PPAN: variants seen among roughly 807,000 people sequenced by gnomAD.
PPAN encodes suppressor of SWI4 1 homolog.
Under a neutral mutation model 48.5 loss-of-function variants are expected in PPAN, and 39 were observed. That is an observed-to-expected ratio of 0.80 (90% CI 0.62 to 1.05). The LOEUF (loss-of-function observed/expected upper bound fraction) is 1.05. Ranked by LOEUF, PPAN falls within the 50% of genes least tolerant of loss-of-function variation. The probability of loss-of-function intolerance (pLI) is 0.00; values close to 1 mark genes in which losing one functional copy is unlikely to be tolerated. For missense variants in PPAN, 736 were observed against 661.7 expected (o/e 1.11, Z -1.23); for synonymous variants, 315 against 268.6 (o/e 1.17, Z -1.69).
rs1411215097 is a variant in PPAN, at chr19:10,106,562, C to G, written c.80C>G (p.Ala27Gly). 2.6e-6 allele frequency: 4 copies of G among 1,553,412 alleles called. No individual in the cohort carries two copies. The highest frequency in any genetic ancestry group is 1.8e-4 in the Middle Eastern group (1 of 5,610). Reference sequence around the variant, plus strand: ...CTCCGCAACCTCGAGGCCTATGCCGCGAACCCGCACTCGTTCGTGTTCACG... The same window carrying G: ...CTCCGCAACCTCGAGGCCTATGCCGGGAACCCGCACTCGTTCGTGTTCACG... The part of the protein sequence containing the change: ...AQLRNLEAYA[A>G]NPHSFVFTRG... Residue 27 changes from alanine to glycine, a missense_variant, in exon 2 of 12, where the codon GCG becomes GGG. Coordinates refer to ENST00000253107, the MANE Select transcript of PPAN (RefSeq NM_020230.7).
Position 10,111,602 on chromosome 19 carries a change from TCTG to T in PPAN, c.*441_*443del. On this transcript the variant is annotated 3_prime_UTR_variant, in exon 12 of 12. Transcript: ENST00000253107. ...TGGGTGGAAAGGCACGCTGGCCTGC[TCTG>T]CTGGCTGGGCCAGTAACTGGGGATG... The T allele has an allele frequency of 7.7e-7, 1 of 1,294,368 alleles. No individual in the cohort carries two copies. The highest frequency in any genetic ancestry group is 1.1e-6 in the Non-Finnish European group (1 of 899,260). 80.2% of individuals were successfully genotyped at this position (1,294,368 alleles called of 1,614,324 possible). A position where few individuals can be genotyped will look rare whatever the true frequency, so the allele number is the denominator to read the frequency against.
intron 5 of PPAN, among the ~76,000 whole-genome samples, chr19:10,108,572 G>C (rs1390010323): frequency 6.6e-6 from 1 of 151,950 alleles, no homozygotes; most frequent in East Asian, 1.9e-4. Flanking sequence ...AACATAGCGA[G>C]ACCCCATGTC....
At chr19:10,109,595 A>T in intron 5 of PPAN, 36 bp from the exon 6 acceptor site, 2 of 1,582,828 alleles carry the variant, frequency 1.3e-6, no homozygotes, top group African/African-American at 2.7e-5. Context: ...CTTTGCCATG[A>T]GTCTACTGGA....
rs764131041 is a variant in PPAN at position 10,107,546 on chromosome 19, T to C, written c.231T>C (p.Ala77=). The change falls in exon 3 of 12, where the codon GCT becomes GCC. Residue 77 remains alanine (A), a synonymous_variant. Coordinates refer to ENST00000253107, the MANE Select transcript of PPAN (RefSeq NM_020230.7). ...KNSLKDCVAV[A]GPLGVTHFLI... is the part of the protein sequence containing the mutation. ...CGCTGAAGGACTGCGTGGCAGTGGCTGGGCCCCTCGGGGTCACACACTTTC... is the reference window on the plus strand; with the variant it reads ...CGCTGAAGGACTGCGTGGCAGTGGCCGGGCCCCTCGGGGTCACACACTTTC... 11 of 1,614,202 alleles carry C rather than the reference T, an allele frequency of 6.8e-6. 1 individual carries two copies. In the South Asian group the frequency reaches 1.2e-4, roughly 18 times the overall value.
upstream of PPAN, chr19:10,106,227 C>A: frequency 8.0e-7 from 1 of 1,250,746 alleles, no homozygotes; most frequent in Non-Finnish European, 1.1e-6. Flanking sequence ...GCACCCGTGT[C>A]TCCATAGCAA....
rs371925990 is a variant in PPAN at position 10,110,093 on chromosome 19, C to A, written c.699-30C>A. On this transcript the variant is annotated intron_variant, in intron 7 of 11. Coordinates refer to ENST00000253107, the MANE Select transcript of PPAN (RefSeq NM_020230.7). This position sits in a 1 kb window ranked among gnomAD's most constrained non-coding sequence, Gnocchi z 5.9. ...AACAGGACCGGGAGCCTGAGCTCCCCCACTGAGCCCTGTTATGTCCTACAC... is the reference window on the plus strand; with the variant it reads ...AACAGGACCGGGAGCCTGAGCTCCCACACTGAGCCCTGTTATGTCCTACAC... The A allele has an allele frequency of 1.4e-5, 23 of 1,609,714 alleles. No homozygotes were observed. The highest frequency in any genetic ancestry group is 1.8e-5 in the Non-Finnish European group (21 of 1,178,204).
intron 5 of PPAN, 107 bp from the exon 6 acceptor site, chr19:10,109,524 C>T: frequency 7.7e-7 from 1 of 1,303,572 alleles, no homozygotes; most frequent in Non-Finnish European, 1.1e-6. Flanking sequence ...AGCAGCATTT[C>T]TAGCCAGTGC....
intron 2 of PPAN, 169 bp downstream of exon 2, chr19:10,106,840 A>T: frequency 1.8e-6 from 2 of 1,105,174 alleles, no homozygotes; most frequent in Middle Eastern, 3.1e-4. Context: ...GCTGGGCTGG[A>T]GTGAGGGCGC....
Position 10,110,306 on chromosome 19 carries a change from T to A in PPAN, c.823-18T>A, listed in dbSNP as rs770097072. 16 of 1,613,482 alleles carry A rather than the reference T, an allele frequency of 9.9e-6. No individual in the cohort carries two copies. The highest frequency in any genetic ancestry group is 1.3e-5 in the African/African-American group (1 of 74,914). The stretch of plus-strand genomic sequence containing the variant: ...CCAGTCCCAACGGTGGGCTGACGCT[T>A]CTTCCTCGTCCCCTCAGATCGGCCC... On this transcript the variant is annotated intron_variant, in intron 8 of 11. Coordinates refer to ENST00000253107, the MANE Select transcript of PPAN (RefSeq NM_020230.7). This position sits in a 1 kb window ranked among gnomAD's most constrained non-coding sequence, Gnocchi z 5.9.
intron 6 of PPAN, 60 bp downstream of exon 6, chr19:10,109,767 C>G: frequency 1.3e-6 from 2 of 1,593,038 alleles, no homozygotes; most frequent in Middle Eastern, 1.7e-4. Context: ...CCACATGCGG[C>G]TGATGACAGC....
intron 5 of PPAN, among the ~76,000 whole-genome samples, chr19:10,109,155 G>T (rs890929349): frequency 2.0e-5 from 3 of 152,044 alleles, no homozygotes; most frequent in Non-Finnish European, 2.9e-5. Flanking sequence ...GTAGAGACAG[G>T]ATTTCACCGT....
Position 10,110,942 on chromosome 19 carries a change from C to A in PPAN, c.1202-3C>A. 6.2e-7 allele frequency: 1 copy of A among 1,613,442 alleles called. No individual in the cohort carries two copies. The highest frequency in any genetic ancestry group is 1.3e-5 in the African/African-American group (1 of 74,978). ...GGGGCCCTGACACTGTCTCTCCCCA[C>A]AGACCTGTTCCCCGAGGCCAAGCAG... On this transcript the variant is annotated splice_region_variant and splice_polypyrimidine_tract_variant and intron_variant, in intron 11 of 11. Transcript: ENST00000253107. The surrounding 1 kb of genome is among the most constrained non-coding windows in gnomAD (Gnocchi z 5.9).
Position 10,111,576 on chromosome 19 carries a change from G to C in PPAN, c.*411G>C. ...GTTGTGGCACAATGAGGAAGGAAAC[G>C]TGGGTGGAAAGGCACGCTGGCCTGC... On this transcript the variant is annotated 3_prime_UTR_variant, in exon 12 of 12. Coordinates refer to ENST00000253107, the MANE Select transcript of PPAN (RefSeq NM_020230.7). The C allele has an allele frequency of 1.1e-6, 1 of 943,486 alleles. No homozygotes were observed. Among genetic ancestry groups the C allele is most frequent in the Non-Finnish European group, 1.7e-6 (1 of 601,424 alleles). 58.4% of individuals were successfully genotyped at this position (943,486 alleles called of 1,614,324 possible). A position where few individuals can be genotyped will look rare whatever the true frequency, so the allele number is the denominator to read the frequency against.
At position 10,107,960 on chromosome 19, in the gene PPAN, A is replaced by G. The variant is rs757467807; in HGVS notation, c.343-4A>G. ...GTCACCCCCTCCTCTCTCCTGTCCT[A>G]CAGTACTCGCTGGTGCGTGATGTGG... On this transcript the variant is annotated splice_polypyrimidine_tract_variant and splice_region_variant and intron_variant, in intron 4 of 11. Transcript: ENST00000253107. 3.1e-6 allele frequency: 5 copies of G among 1,605,276 alleles called. No individual in the cohort carries two copies. The Admixed American group carries it at 5.0e-5, about 16-fold the overall frequency.
intron 5 of PPAN, among the ~76,000 whole-genome samples, chr19:10,108,578 A>G (rs886460361): frequency 6.6e-6 from 1 of 151,942 alleles, no homozygotes. Context: ...GCGAGACCCC[A>G]TGTCTACAAA....
In PPAN at chr19:10,106,630, G is replaced by T; in HGVS notation, c.148G>T (p.Val50Leu). 6.5e-7 allele frequency: 1 copy of T among 1,548,360 alleles called. No homozygotes were observed. The change falls in exon 2 of 12, where the codon GTG (valine) becomes TTG (leucine). Residue 50 changes from valine (V) to leucine (L), a missense_variant. Transcript: ENST00000253107. Reference sequence around the variant, plus strand: ...CAACATCCGGCAGCTCAGCCTGGACGTGCGGCGGGTCATGGAGCCGCTCAC... The same window carrying T: ...CAACATCCGGCAGCTCAGCCTGGACTTGCGGCGGGTCATGGAGCCGCTCAC... ...GRNIRQLSLD[V>L]RRVMEPLTAS...
rs1236819354 is a variant in PPAN, at chr19:10,110,621, G to A, written c.1031+7G>A. 15 of 1,607,084 alleles carry A rather than the reference G, an allele frequency of 9.3e-6. No individual in the cohort carries two copies. Among genetic ancestry groups the A allele is most frequent in the African/African-American group, 1.3e-5 (1 of 74,822 alleles). ...AGCAGCGGGAGGCCCACAGGTCCAG[G>A]CAGAGCTGGGAAGGGCAGGGCCAAG... On this transcript the variant is annotated splice_region_variant and intron_variant, in intron 10 of 11. Coordinates refer to ENST00000253107, the MANE Select transcript of PPAN (RefSeq NM_020230.7). The surrounding 1 kb of genome is among the most constrained non-coding windows in gnomAD (Gnocchi z 5.9).
chr19:10,106,458 G>T lies in PPAN; in HGVS notation c.19-43G>T, dbSNP rs373410012. The T allele has an allele frequency of 4.7e-4, 729 of 1,547,148 alleles. 5 individuals are homozygous for T. Among genetic ancestry groups the T allele is most frequent in the South Asian group, 2.5e-3 (213 of 83,740 alleles). ...AGGCAGGTGGCGCAGGTGGGGTCCCGGCCGAGGTCGCGGCGCTGACCCTTT... is the reference window on the plus strand; with the variant it reads ...AGGCAGGTGGCGCAGGTGGGGTCCCTGCCGAGGTCGCGGCGCTGACCCTTT... On this transcript the variant is annotated intron_variant, in intron 1 of 11. Transcript: ENST00000253107.
Position 10,107,675 on chromosome 19 carries a change from T to TA in PPAN, c.291+70dup, listed in dbSNP as rs765086995. 7 of 1,320,952 alleles carry TA rather than the reference T, an allele frequency of 5.3e-6. No homozygotes were observed. In the East Asian group the frequency reaches 1.8e-4, roughly 34 times the overall value. The allele number at this position is 1,320,952 out of a possible 1,614,324, so 81.8% of individuals were successfully genotyped here. A position where few individuals can be genotyped will look rare whatever the true frequency, so the allele number is the denominator to read the frequency against. On this transcript the variant is annotated intron_variant, in intron 3 of 11. Coordinates refer to ENST00000253107, the MANE Select transcript of PPAN (RefSeq NM_020230.7). ...TCCCCTATCTCTCATGATGAACACA[T>TA]ATGCCTCTGAGCTGCTGTGATTTCT...
Sources: allele counts gnomAD v4.1 joint callset (sites outside exome capture counted in the v4.1 genomes callset), GRCh38; gene constraint gnomAD v4.1.1; non-coding constraint Gnocchi (gnomAD v3.1); transcripts MANE v1.5; gene names NCBI Gene and HGNC (gene_info 2026-07-23, HGNC 2026-07-21).